Variants in MINDY2 observed in about 807,000 individuals in gnomAD.
MINDY2 encodes the protein ubiquitin carboxyl-terminal hydrolase MINDY-2.
Under a neutral mutation model 68.2 loss-of-function variants are expected in MINDY2, and 52 were observed. The observed-to-expected ratio is 0.76, with a 90% confidence interval of 0.61 to 0.96. The LOEUF is 0.96. Ranked by LOEUF, MINDY2 falls within the 40% of genes least tolerant of loss-of-function variation. MINDY2 has a pLI of 0.00. For missense variants in MINDY2, 881 were observed against 773.4 expected (o/e 1.14, Z -1.65); for synonymous variants, 372 against 303.0 (o/e 1.23, Z -2.36).
At chr15:58,811,646 C>T (rs763262517) in intron 4 of MINDY2, among the ~76,000 whole-genome samples, 1 of 152,166 alleles carries the variant, frequency 6.6e-6, no homozygotes, top group East Asian at 1.9e-4. Flanking sequence ...AAGCTATGGC[C>T]CAGCAGGGAA....
intron 4 of MINDY2, among the ~76,000 whole-genome samples, chr15:58,818,023 C>T (rs2030814860): frequency 6.6e-6 from 1 of 152,192 alleles, no homozygotes; most frequent in Admixed American, 6.5e-5. Context: ...TGAGTAACCA[C>T]ATTATGGTAT....
chr15:58,771,577 G>C lies in MINDY2; in HGVS notation c.182G>C (p.Arg61Thr), dbSNP rs1900394958. The change falls in exon 1 of 9, where the codon AGG (arginine) becomes ACG (threonine). Residue 61 changes from arginine (R) to threonine (T), a missense_variant. Physicochemically the swap from Arg to Thr is moderately conservative, Grantham distance 71. Transcript: ENST00000559228. Reference sequence around the variant, plus strand: ...GGGCTGGGGGCGGCGGCCGCCAGGAGGAGCCTCCCGGACTCGGCTTCTCCC... The same window carrying C: ...GGGCTGGGGGCGGCGGCCGCCAGGACGAGCCTCCCGGACTCGGCTTCTCCC... The part of the protein sequence containing the change: ...GNGLGAAAAR[R>T]SLPDSASPAG... The C allele has an allele frequency of 6.2e-7, 1 of 1,611,594 alleles. No homozygotes were observed. Among genetic ancestry groups the C allele is most frequent in the African/African-American group, 1.3e-5 (1 of 75,038 alleles).
At position 58,771,794 on chromosome 15, in the gene MINDY2, G is replaced by A. The variant is rs1410450284; in HGVS notation, c.399G>A (p.Pro133=). 7 of 1,609,828 alleles carry A rather than the reference G, an allele frequency of 4.3e-6. No homozygotes were observed. Among genetic ancestry groups the A allele is most frequent in the Non-Finnish European group, 5.1e-6 (6 of 1,178,896 alleles). ...LGTAGDAGAR[P]DLAGTCQAEL... ...CCGCCGGAGACGCGGGAGCCCGCCC[G>A]GATCTCGCCGGCACCTGCCAAGCAG... The change falls in exon 1 of 9, where the codon CCG becomes CCA. Residue 133 remains proline (P), a synonymous_variant. Transcript: ENST00000559228.
chr15:58,772,143 T>C lies in MINDY2; in HGVS notation c.748T>C (p.Trp250Arg). ...QSVYHIKWIQ[W>R]KEENTPIITQ... is the part of the protein sequence containing the mutation. ...TGTGTATCACATCAAGTGGATCCAG[T>C]GGAAGGAAGAGAACACACCCATCAT... Residue 250 changes from tryptophan (W) to arginine (R), a missense_variant, in exon 1 of 9, where the codon TGG becomes CGG. By Grantham distance (101) the Trp-to-Arg change is moderately radical. Coordinates refer to ENST00000559228, the MANE Select transcript of MINDY2 (RefSeq NM_001040450.3). The C allele has an allele frequency of 3.7e-6, 6 of 1,613,928 alleles. No individual in the cohort carries two copies. The highest frequency in any genetic ancestry group is 5.1e-6 in the Non-Finnish European group (6 of 1,179,996).
At chr15:58,806,084 C>CA (rs1902988766) in intron 3 of MINDY2, among the ~76,000 whole-genome samples, 1 of 152,144 alleles carries the variant, frequency 6.6e-6, no homozygotes, top group Non-Finnish European at 1.5e-5. Flanking sequence ...AAAAAAACAA[C>CA]AAAAGAAAAG....
rs1334643687 is a variant in MINDY2, at chr15:58,857,047, C to G, written c.*2437C>G. 3 of 152,174 alleles carry G rather than the reference C, an allele frequency of 2.0e-5. No homozygotes were observed. The highest frequency in any genetic ancestry group is 4.4e-5 in the Non-Finnish European group (3 of 68,014). 9.4% of individuals were successfully genotyped at this position (152,174 alleles called of 1,614,324 possible). A position where few individuals can be genotyped will look rare whatever the true frequency, so the allele number is the denominator to read the frequency against. ...GTCAATGTATACTTACAAGGAAAAA[C>G]TAAAAAATGTAATGTGTTAATTCAG... On this transcript the variant is annotated 3_prime_UTR_variant, in exon 9 of 9. Transcript: ENST00000559228.
chr15:58,822,661 A>T (rs1320215143), intron 5 of MINDY2, among the ~76,000 whole-genome samples: 2 of 152,188 alleles, frequency 1.3e-5, no homozygotes, highest in African/African-American at 4.8e-5. Flanking sequence ...TCGTCACAAA[A>T]TCAGTTTAAT....
chr15:58,848,244 A>G (rs1363998874), intron 7 of MINDY2, among the ~76,000 whole-genome samples: 4 of 152,154 alleles, frequency 2.6e-5, no homozygotes, highest in African/African-American at 9.7e-5. Context: ...ACTCATAACA[A>G]TTTAAGTGCA....
intron 1 of MINDY2, among the ~76,000 whole-genome samples, chr15:58,776,233 C>G (rs1474056399): frequency 6.6e-6 from 1 of 152,068 alleles, no homozygotes; most frequent in African/African-American, 2.4e-5. Context: ...AGCAATAGTT[C>G]TCAACTTTTC....
chr15:58,833,142 T>C (rs2031823071), intron 6 of MINDY2, among the ~76,000 whole-genome samples: 1 of 152,252 alleles, frequency 6.6e-6, no homozygotes, highest in Admixed American at 6.5e-5. Flanking sequence ...ATTTCTTCAG[T>C]AGTACAGTAG....
chr15:58,786,336 A>C (rs1377981913), intron 1 of MINDY2, among the ~76,000 whole-genome samples: 2 of 152,236 alleles, frequency 1.3e-5, no homozygotes, highest in African/African-American at 4.8e-5. Flanking sequence ...CTATTCTTCT[A>C]TCACTGATAT....
At chr15:58,843,761 G>A (rs1469413278) in intron 6 of MINDY2, among the ~76,000 whole-genome samples, 1 of 149,966 alleles carries the variant, frequency 6.7e-6, no homozygotes, top group African/African-American at 2.5e-5. Flanking sequence ...GTGAACCTGG[G>A]AGGCGGAGTT....
At chr15:58,807,162 C>CTACAAACTATAGTCTACTGT (rs1401800532) in intron 3 of MINDY2, among the ~76,000 whole-genome samples, 1 of 152,096 alleles carries the variant, frequency 6.6e-6, no homozygotes, top group African/African-American at 2.4e-5. Context: ...TCAAACCCCT[C>CTACAAACTATAGTCTACTGT]TACAAACTAT....
At chr15:58,802,526 T>C in intron 3 of MINDY2, 149 bp downstream of exon 3, 1 of 438,212 alleles carries the variant, frequency 2.3e-6, no homozygotes, top group Non-Finnish European at 4.1e-6. Flanking sequence ...CTCTATTACA[T>C]ATTCTTTGTT....
chr15:58,820,994 G>T (rs2031026578), intron 4 of MINDY2, among the ~76,000 whole-genome samples: 1 of 151,036 alleles, frequency 6.6e-6, no homozygotes, highest in Non-Finnish European at 1.5e-5. Context: ...TATATAAGTT[G>T]TTTAGACAGT....
Position 58,858,649 on chromosome 15 carries a change from C to T in MINDY2, c.*4039C>T, listed in dbSNP as rs1207495980. The stretch of plus-strand genomic sequence containing the variant: ...TTTAAGTTTTGTTAAAAAGCAAAAG[C>T]GAATTGATTACATTTGATTAACTTT... On this transcript the variant is annotated 3_prime_UTR_variant, in exon 9 of 9. Coordinates refer to ENST00000559228, the MANE Select transcript of MINDY2 (RefSeq NM_001040450.3). 3.9e-5 allele frequency: 6 copies of T among 151,992 alleles called. No homozygotes were observed. The highest frequency in any genetic ancestry group is 1.2e-4 in the African/African-American group (5 of 41,378). The allele number at this position is 151,992 out of a possible 1,614,324, so 9.4% of individuals were successfully genotyped here. A position where few individuals can be genotyped will look rare whatever the true frequency, so the allele number is the denominator to read the frequency against.
intron 5 of MINDY2, among the ~76,000 whole-genome samples, chr15:58,830,753 G>A (rs750726890): frequency 7.2e-4 from 109 of 152,002 alleles, no homozygotes; most frequent in Non-Finnish European, 1.2e-3. Flanking sequence ...GAAAAACATG[G>A]CACTAAATAG....
chr15:58,854,282 A>G (rs1229315984), intron 8 of MINDY2, among the ~76,000 whole-genome samples, 200 bp from the exon 9 acceptor site: 1 of 152,130 alleles, frequency 6.6e-6, no homozygotes, highest in African/African-American at 2.4e-5. Context: ...TTTATTCAGA[A>G]TAATGAATAC....
intron 6 of MINDY2, among the ~76,000 whole-genome samples, chr15:58,837,537 A>T (rs1331916067): frequency 1.1e-4 from 14 of 132,322 alleles, no homozygotes; most frequent in African/African-American, 1.6e-4. Context: ...CCATGATGGC[A>T]CCAAAAAAAA....
Sources: gnomAD v4.1 joint callset for allele counts (sites outside exome capture counted in the v4.1 genomes callset) on GRCh38, gnomAD v4.1.1 for gene constraint, MANE v1.5 for transcripts, NCBI Gene and HGNC (gene_info 2026-07-23, HGNC 2026-07-21) for gene names.